The following MYOM2 variants were observed in gnomAD, a reference collection of about 807,000 sequenced individuals.
MYOM2 encodes the protein myomesin 2, also known as myomesin-2.
In MYOM2, 254 loss-of-function variants were observed where a neutral mutation model predicts 187.6. The ratio of observed to expected loss-of-function variants is 1.35; its 90% CI spans 1.22 to 1.50. MYOM2 has a LOEUF of 1.50. Among genes scored for constraint, MYOM2 ranks in the 40% most tolerant of loss-of-function variants. MYOM2 has a pLI of 0.00. For missense variants in MYOM2, 2,796 were observed against 1,924.0 expected (o/e 1.45, Z -8.48); for synonymous variants, 981 against 753.8 (o/e 1.30, Z -4.94).
chr8:2,136,228 G>C (rs116539643), intron 32 of MYOM2, among the ~76,000 whole-genome samples: 19,803 of 152,190 alleles, frequency 0.13, 2,184 homozygotes, highest in African/African-American at 0.28. Flanking sequence ...GGCTACCTTT[G>C]TGCAGCTGCA....
intron 25 of MYOM2, among the ~76,000 whole-genome samples, chr8:2,109,991 C>G (rs1385725229): frequency 6.6e-6 from 1 of 152,196 alleles, no homozygotes; most frequent in Non-Finnish European, 1.5e-5. Context: ...GGGCAGCAAT[C>G]TTGGTGTGGC....
In MYOM2 at chr8:2,100,913, C is replaced by T. The variant is rs140260747; in HGVS notation, c.2478C>T (p.Asp826=). The T allele has an allele frequency of 9.2e-5, 149 of 1,614,214 alleles. 1 individual carries two copies. The African/African-American group carries it at 1.7e-3, about 18-fold the overall frequency. The change falls in exon 20 of 37, where the codon GAC becomes GAT. Residue 826 remains aspartate, a synonymous_variant. Transcript: ENST00000262113. ...AYDLTFCEVR[D]TSLVMLWKAP... is the part of the protein sequence containing the mutation. ...ACTTGACGTTCTGTGAGGTCAGGGA[C>T]ACGTCCTTGGTCATGCTGTGGAAGG...
chr8:2,085,021 G>A (rs1446469866), intron 13 of MYOM2: 2 of 472,690 alleles, frequency 4.2e-6, no homozygotes, highest in Non-Finnish European at 7.4e-6. Context: ...AAGACTTTCG[G>A]GTGAGATTCC....
Position 2,055,134 on chromosome 8 carries a change from CCAAGTACCTGGATACTGGGG to C in MYOM2, c.264-2213_264-2194del, listed in dbSNP as rs1490236574. Among the ~76,000 whole-genome samples the C allele has an allele frequency of 2.4e-3, 66 of 27,742 alleles. 1 individual carries two copies. Among genetic ancestry groups the C allele is most frequent in the Admixed American group, 4.0e-3 (8 of 1,976 alleles). 18.2% of individuals were successfully genotyped at this position (27,742 alleles called of 152,430 possible). ...ACCAAGTACCTGGATACTGGGGTAA[CCAAGTACCTGGATACTGGGG>C]GAACCAAGTACCTGGATACTGGGGC... On this transcript the variant is annotated intron_variant, in intron 3 of 36. Coordinates refer to ENST00000262113, the MANE Select transcript of MYOM2 (RefSeq NM_003970.4).
rs551163465 is a variant in MYOM2 at position 2,110,898 on chromosome 8, C to A, written c.3180+1367C>A. Among the ~76,000 whole-genome samples, 10 of 152,280 alleles carry A rather than the reference C, an allele frequency of 6.6e-5. No individual in the cohort carries two copies. The East Asian group carries it at 1.9e-3, about 29-fold the overall frequency. On this transcript the variant is annotated intron_variant, in intron 25 of 36. Coordinates refer to ENST00000262113, the MANE Select transcript of MYOM2 (RefSeq NM_003970.4). ...TCCAGTCAGTCTTTCCCATGAGAAT[C>A]ATGACACACTTTAAGACTCACTCCT...
intron 32 of MYOM2, among the ~76,000 whole-genome samples, chr8:2,132,575 C>G (rs1371094145): frequency 6.9e-6 from 1 of 145,008 alleles, no homozygotes; most frequent in Non-Finnish European, 1.5e-5. Flanking sequence ...AAATTGCAGT[C>G]TCTCTTTCTC....
In MYOM2 at chr8:2,129,133, C is replaced by G. The variant is rs1172162308; in HGVS notation, c.3701C>G (p.Ser1234Cys). Residue 1234 changes from serine (S) to cysteine (C), a missense_variant, in exon 32 of 37, where the codon TCT becomes TGT. Coordinates refer to ENST00000262113, the MANE Select transcript of MYOM2 (RefSeq NM_003970.4). ...GATGTTTTATTTTCTGCAGGGAAAT[C>G]TGCTTCGCCACTGAAGGTACTCTGC... ...ILAMSRVCGK[S>C]ASPLKVLCTP... 1.2e-6 allele frequency: 2 copies of G among 1,601,872 alleles called. No individual in the cohort carries two copies. The highest frequency in any genetic ancestry group is 2.2e-5 in the South Asian group (2 of 90,662).
intron 32 of MYOM2, among the ~76,000 whole-genome samples, chr8:2,136,743 C>G (rs1328393037): frequency 2.0e-5 from 3 of 152,114 alleles, no homozygotes; most frequent in African/African-American, 7.2e-5. Context: ...TGAAGGTGTA[C>G]CTTTTTCCCT....
intron 25 of MYOM2, among the ~76,000 whole-genome samples, chr8:2,113,794 C>T (rs1387453986): frequency 3.3e-5 from 5 of 152,214 alleles, no homozygotes; most frequent in Non-Finnish European, 7.3e-5. Flanking sequence ...CTCAATGCCA[C>T]AGATGGCAGG....
chr8:2,100,901 T>C lies in MYOM2; in HGVS notation c.2466T>C (p.Cys822=). Residue 822 remains cysteine (C), a synonymous_variant, in exon 20 of 37, where the codon TGT becomes TGC. Transcript: ENST00000262113. ...EPGPAYDLTF[C]EVRDTSLVML... ...GTCCTGCCTACGACTTGACGTTCTG[T>C]GAGGTCAGGGACACGTCCTTGGTCA... 6.2e-7 allele frequency: 1 copy of C among 1,614,146 alleles called. No homozygotes were observed. Among genetic ancestry groups the C allele is most frequent in the Non-Finnish European group, 8.5e-7 (1 of 1,180,026 alleles).
chr8:2,139,600 C>T (rs1183282997), intron 32 of MYOM2, among the ~76,000 whole-genome samples: 1 of 152,160 alleles, frequency 6.6e-6, no homozygotes, highest in African/African-American at 2.4e-5. Flanking sequence ...CCACAAGCAC[C>T]ACAGCTGGCT....
chr8:2,065,122 C>G (rs1818973778), intron 6 of MYOM2, among the ~76,000 whole-genome samples: 1 of 152,122 alleles, frequency 6.6e-6, no homozygotes, highest in Non-Finnish European at 1.5e-5. Context: ...TCAAAGTCAC[C>G]CTAGTCAAGT....
In MYOM2 at chr8:2,085,336, C is replaced by G. The variant is rs1432584591; in HGVS notation, c.1590C>G (p.Ser530Arg). 5 of 1,614,152 alleles carry G rather than the reference C, an allele frequency of 3.1e-6. No individual in the cohort carries two copies. Among genetic ancestry groups the G allele is most frequent in the Middle Eastern group, 1.6e-4 (1 of 6,062 alleles). The change falls in exon 14 of 37, where the codon AGC (serine) becomes AGG (arginine). Residue 530 changes from serine (S) to arginine (R), a missense_variant. Ser to Arg is a moderately radical substitution (Grantham distance 110). Coordinates refer to ENST00000262113, the MANE Select transcript of MYOM2 (RefSeq NM_003970.4). ...TCAGCAGAAACTATGTCGTCCTCAG[C>G]TGGGAGCCACCCACTCCCCGTGGCA... Reference protein sequence around the residue: ...SEISRNYVVLSWEPPTPRGKD... With the variant: ...SEISRNYVVLRWEPPTPRGKD...
At chr8:2,141,101 C>T (rs1798258999) in intron 33 of MYOM2, 40 bp from the exon 34 acceptor site, 9 of 1,579,630 alleles carry the variant, frequency 5.7e-6, no homozygotes, top group South Asian at 1.2e-5. Context: ...AAAATCTGAA[C>T]ACTGAAATGG....
chr8:2,102,908 G>C, intron 21 of MYOM2, 127 bp downstream of exon 21: 1 of 701,850 alleles, frequency 1.4e-6, no homozygotes, highest in Non-Finnish European at 2.5e-6. Context: ...ATGTGTGTAT[G>C]TGTGGATGGG....
chr8:2,070,059 C>T (rs1585848160), intron 8 of MYOM2, among the ~76,000 whole-genome samples: 1 of 152,220 alleles, frequency 6.6e-6, no homozygotes, highest in South Asian at 2.1e-4. Flanking sequence ...GAAGCCCTCT[C>T]TGGCCCTGAG....
chr8:2,096,855 G>C (rs1016427867), intron 18 of MYOM2, among the ~76,000 whole-genome samples: 2 of 152,152 alleles, frequency 1.3e-5, no homozygotes, highest in African/African-American at 2.4e-5. Context: ...CCATTTCCCT[G>C]AGACATTCTT....
chr8:2,046,069 C>T (rs539328961), intron 1 of MYOM2, among the ~76,000 whole-genome samples: 270 of 152,350 alleles, frequency 1.8e-3, no homozygotes, highest in Middle Eastern at 3.4e-3. Context: ...GGCTTAGCCA[C>T]TTGTGGCACA....
intron 9 of MYOM2, 121 bp from the exon 10 acceptor site, chr8:2,073,218 C>A (rs1819295270): frequency 9.1e-7 from 1 of 1,103,740 alleles, no homozygotes; most frequent in Non-Finnish European, 1.3e-6. Flanking sequence ...GAGGCTCTGC[C>A]TTCCGTGGTG....
Sources: gnomAD v4.1 joint callset for allele counts (sites outside exome capture counted in the v4.1 genomes callset) on GRCh38, gnomAD v4.1.1 for gene constraint, MANE v1.5 for transcripts, NCBI Gene and HGNC (gene_info 2026-07-23, HGNC 2026-07-21) for gene names.